The following GPHN variants were observed in gnomAD, a reference collection of about 807,000 sequenced individuals.
GPHN encodes gephyrin.
GPHN carries 17 observed loss-of-function variants against 95.5 expected under a neutral mutation model. The observed-to-expected ratio is 0.18, with a 90% CI of 0.12 to 0.27. GPHN has a LOEUF of 0.27. GPHN is among the 10% of genes least tolerant of loss of function. The pLI, the probability that GPHN is intolerant of heterozygous loss-of-function variation, is 1.00. For missense variants in GPHN, 660 were observed against 978.1 expected, an observed-to-expected ratio of 0.67 and a Z score of 4.34; for synonymous variants, 320 against 322.5, an observed-to-expected ratio of 0.99 and a Z score of 0.08.
chr14:67,669,549 G>A, the GPHN span, among the ~76,000 whole-genome samples: 21 of 148,338 alleles, frequency 1.4e-4, no homozygotes, highest in Non-Finnish European at 2.1e-4. Context: ...TTACAGGCAC[G>A]AGCCACCACA....
chr14:66,741,701 G>A (rs577147985), intron 2 of GPHN, among the ~76,000 whole-genome samples: 14 of 152,216 alleles, frequency 9.2e-5, no homozygotes, highest in African/African-American at 3.4e-4. Context: ...TAATTTTCTA[G>A]CTGACATCAA....
chr14:67,311,668 C>T, the GPHN span, among the ~76,000 whole-genome samples: 1 of 152,124 alleles, frequency 6.6e-6, no homozygotes, highest in Non-Finnish European at 1.5e-5. Context: ...AAATGGCATA[C>T]AGAATAGCTT....
intron 19 of GPHN, among the ~76,000 whole-genome samples, chr14:67,163,617 G>C (rs958270968): frequency 1.3e-5 from 2 of 151,982 alleles, no homozygotes; most frequent in East Asian, 3.9e-4. Flanking sequence ...AATAATGATG[G>C]CTATAAATCA....
At chr14:66,767,455 A>AG (rs1566922485) in intron 2 of GPHN, among the ~76,000 whole-genome samples, 2 of 150,458 alleles carry the variant, frequency 1.3e-5, no homozygotes, top group African/African-American at 4.9e-5. Context: ...AAAAAAAAAA[A>AG]AAAGAAAAGA....
chr14:66,768,084 T>G (rs2059029150), intron 2 of GPHN, among the ~76,000 whole-genome samples: 1 of 151,876 alleles, frequency 6.6e-6, no homozygotes, highest in Admixed American at 6.6e-5. Flanking sequence ...ATACAAAGAT[T>G]TAGAAAATCA....
chr14:66,627,320 T>A (rs2063561792), intron 1 of GPHN, among the ~76,000 whole-genome samples: 1 of 152,064 alleles, frequency 6.6e-6, no homozygotes, highest in African/African-American at 2.4e-5. Flanking sequence ...TAGTCTTGTT[T>A]TACGTATCTT....
At chr14:66,617,739 T>A (rs542472997) in intron 1 of GPHN, among the ~76,000 whole-genome samples, 1 of 152,316 alleles carries the variant, frequency 6.6e-6, no homozygotes, top group East Asian at 1.9e-4. Flanking sequence ...TGAATTTTAT[T>A]ATTTTTTTAA....
At chr14:67,586,747 AC>A in the GPHN span, 1 of 1,230,810 alleles carries the variant, frequency 8.1e-7, no homozygotes, top group Non-Finnish European at 1.0e-6. Context: ...CTTTAATACC[AC>A]CCCTGCTAAA....
intron 3 of GPHN, among the ~76,000 whole-genome samples, chr14:66,786,235 G>C (rs1353756265): frequency 2.0e-5 from 3 of 151,998 alleles, no homozygotes; most frequent in African/African-American, 7.2e-5. Flanking sequence ...TCTTTAAAAG[G>C]ATAATTAGGT....
the GPHN span, among the ~76,000 whole-genome samples, chr14:67,534,865 T>C: frequency 6.6e-6 from 1 of 152,218 alleles, no homozygotes; most frequent in East Asian, 1.9e-4. Flanking sequence ...TTTCTGGGAC[T>C]TTATCCTTCA....
the GPHN span, among the ~76,000 whole-genome samples, chr14:67,256,257 T>A: frequency 6.6e-6 from 1 of 152,196 alleles, no homozygotes; most frequent in African/African-American, 2.4e-5. Context: ...ATCTTCTATG[T>A]ATATTTGTAA....
chr14:67,002,673 T>C (rs1433886695), intron 9 of GPHN, among the ~76,000 whole-genome samples: 1 of 151,492 alleles, frequency 6.6e-6, no homozygotes, highest in Non-Finnish European at 1.5e-5. Context: ...CTCATATTCC[T>C]GTAAAATAGG....
At chr14:67,612,576 C>A in the GPHN span, among the ~76,000 whole-genome samples, 3 of 152,000 alleles carry the variant, frequency 2.0e-5, no homozygotes, top group Non-Finnish European at 4.4e-5. Flanking sequence ...AGCAAGGTAC[C>A]TATAGATAAA....
At chr14:67,586,829 C>G in the GPHN span, 1 of 1,477,094 alleles carries the variant, frequency 6.8e-7, no homozygotes, top group South Asian at 1.2e-5. Context: ...GAGCAGAACA[C>G]TGGGCCTCCT....
At chr14:67,573,342 TG>T in the GPHN span, 1 of 1,613,656 alleles carries the variant, frequency 6.2e-7, no homozygotes, top group East Asian at 2.2e-5. This position sits in a 1 kb window ranked among gnomAD's most constrained non-coding sequence, Gnocchi z 4.8. Context: ...GAAGAGGCGC[TG>T]GTTTGTCCTG....
chr14:67,316,817 C>G, the GPHN span: 1 of 1,596,070 alleles, frequency 6.3e-7, no homozygotes, highest in East Asian at 2.2e-5. Context: ...CCTTCTTTTT[C>G]TTTCTGCTAT....
rs541272875 is a variant in GPHN, at chr14:66,582,990, C to T, written c.64+74399C>T. On this transcript the variant is annotated intron_variant, in intron 1 of 22. Transcript: ENST00000478722. Reference sequence around the variant, plus strand: ...CTTCCACAATGGTGGAACTAGTTTACAATCCCACCAACAGTGTAAAAGTGT... The same window carrying T: ...CTTCCACAATGGTGGAACTAGTTTATAATCCCACCAACAGTGTAAAAGTGT... Among the ~76,000 whole-genome samples, 32 of 152,280 alleles carry T rather than the reference C, an allele frequency of 2.1e-4. No individual in the cohort carries two copies. In the South Asian group the frequency reaches 6.4e-3, roughly 31 times the overall value.
the GPHN span, among the ~76,000 whole-genome samples, chr14:67,527,579 G>C: frequency 6.6e-6 from 1 of 152,182 alleles, no homozygotes. Flanking sequence ...CCCTGCAATG[G>C]CTGGCTGTGT....
the GPHN span, chr14:67,204,629 T>C: frequency 6.2e-7 from 1 of 1,613,768 alleles, no homozygotes; most frequent in Non-Finnish European, 8.5e-7. Flanking sequence ...GCCTACTACT[T>C]ACAGCTCTGC....
Sources: gnomAD v4.1 joint callset for allele counts (sites outside exome capture counted in the v4.1 genomes callset) on GRCh38, gnomAD v4.1.1 for gene constraint, Gnocchi (gnomAD v3.1) non-coding constraint, MANE v1.5 for transcripts, NCBI Gene and HGNC (gene_info 2026-07-23, HGNC 2026-07-21) for gene names.